The following CACNA1B variants were observed in gnomAD, a reference collection of about 807,000 sequenced individuals.
The protein encoded by CACNA1B is calcium voltage-gated channel subunit alpha1 B.
In CACNA1B, 70 loss-of-function variants were observed where a neutral mutation model predicts 247.2. The observed-to-expected ratio is 0.28, with a 90% CI of 0.23 to 0.35. CACNA1B has a LOEUF of 0.35. Among genes scored for constraint, CACNA1B ranks in the 10% least tolerant of loss-of-function variants. The probability of loss-of-function intolerance (pLI) is 1.00; values close to 1 mark genes in which losing one functional copy is unlikely to be tolerated. For synonymous variants in CACNA1B, 1,231 were observed against 1,294.4 expected (o/e 0.95, Z 1.05); for missense variants, 2,367 against 3,197.4 (o/e 0.74, Z 6.26).
At chr9:137,960,697 G>C (rs1958011216) in intron 10 of CACNA1B, among the ~76,000 whole-genome samples, 1 of 152,006 alleles carries the variant, frequency 6.6e-6, no homozygotes, top group Non-Finnish European at 1.5e-5. Flanking sequence ...GCCATGGGCT[G>C]TCGGTAGCGG....
At chr9:138,074,504 G>C (rs1341084939) in intron 34 of CACNA1B, among the ~76,000 whole-genome samples, 1 of 152,224 alleles carries the variant, frequency 6.6e-6, no homozygotes, top group Non-Finnish European at 1.5e-5. Context: ...GCCTCCCAAA[G>C]TGCTGGGATT....
At chr9:137,928,640 C>T (rs1957577821) in intron 6 of CACNA1B, among the ~76,000 whole-genome samples, 1 of 151,970 alleles carries the variant, frequency 6.6e-6, no homozygotes, top group African/African-American at 2.4e-5. Context: ...ATCTGTGTAC[C>T]ATAAAATTCA....
At chr9:137,956,151 T>G (rs570580371) in intron 8 of CACNA1B, among the ~76,000 whole-genome samples, 20 of 152,316 alleles carry the variant, frequency 1.3e-4, no homozygotes, top group Non-Finnish European at 2.4e-4. Context: ...AGGCCAGCAC[T>G]CTTTCCTCCA....
chr9:138,026,696 C>T (rs1958924478), intron 20 of CACNA1B, among the ~76,000 whole-genome samples: 1 of 152,142 alleles, frequency 6.6e-6, no homozygotes, highest in Non-Finnish European at 1.5e-5. Flanking sequence ...TTGTTGCTTC[C>T]AATTTTTGGC....
In CACNA1B at chr9:137,971,090, C is replaced by A. The variant is rs1192727129; in HGVS notation, c.1334-293C>A. On this transcript the variant is annotated intron_variant, in intron 10 of 46. Transcript: ENST00000371372. This position sits in a 1 kb window ranked among gnomAD's most constrained non-coding sequence, Gnocchi z 4.4. Reference sequence around the variant, plus strand: ...GTGCTCATGGAGAGTGGCCTGGGGGCATCAGGGCTGTGCTCCTAGAAGGTG... The same window carrying A: ...GTGCTCATGGAGAGTGGCCTGGGGGAATCAGGGCTGTGCTCCTAGAAGGTG... 6.6e-6 allele frequency among the ~76,000 whole-genome samples: 1 copy of A among 152,056 alleles called. No individual in the cohort carries two copies. Among genetic ancestry groups the A allele is most frequent in the African/African-American group, 2.4e-5 (1 of 41,396 alleles).
Position 138,115,501 on chromosome 9 carries a change from C to A in CACNA1B, c.5650-51C>A, listed in dbSNP as rs149774466. 1,037 of 1,584,358 alleles carry A rather than the reference C, an allele frequency of 6.5e-4. 9 individuals carry two copies. The highest frequency in any genetic ancestry group is 1.0e-4 in the Non-Finnish European group (119 of 1,163,136). ...CATGGTCAGAGCAGGTCACAGAGGC[C>A]ACATTGCAGGCCCATTGGAGCTCTT... On this transcript the variant is annotated intron_variant, in intron 41 of 46. Transcript: ENST00000371372.
intron 32 of CACNA1B, among the ~76,000 whole-genome samples, chr9:138,071,377 C>T (rs951095894): frequency 7.9e-5 from 12 of 152,232 alleles, no homozygotes; most frequent in African/African-American, 2.9e-4. Context: ...GCTGTGTCTG[C>T]CTCCGAGGGG....
intron 7 of CACNA1B, among the ~76,000 whole-genome samples, chr9:137,953,306 G>A (rs1226326116): frequency 1.3e-5 from 2 of 152,220 alleles, no homozygotes; most frequent in Admixed American, 1.3e-4. Flanking sequence ...GAGGCTGGAG[G>A]AGTACATCTC....
chr9:138,106,169 C>T (rs1961418268), intron 39 of CACNA1B, among the ~76,000 whole-genome samples: 1 of 152,194 alleles, frequency 6.6e-6, no homozygotes, highest in South Asian at 2.1e-4. Flanking sequence ...TGGCCCCCTC[C>T]CATAGTGAGC....
chr9:138,107,071 C>T (rs1344310654), intron 39 of CACNA1B, among the ~76,000 whole-genome samples: 1 of 152,078 alleles, frequency 6.6e-6, no homozygotes, highest in East Asian at 1.9e-4. Flanking sequence ...GGAATGTTCT[C>T]TCTACACTCA....
intron 3 of CACNA1B, among the ~76,000 whole-genome samples, chr9:137,893,499 G>T (rs892496321): frequency 2.0e-5 from 3 of 151,332 alleles, no homozygotes; most frequent in Non-Finnish European, 4.4e-5. Context: ...AAATACAAAA[G>T]AATGAGCCGG....
intron 6 of CACNA1B, among the ~76,000 whole-genome samples, chr9:137,933,441 A>G (rs1192178234): frequency 6.6e-6 from 1 of 152,138 alleles, no homozygotes; most frequent in Non-Finnish European, 1.5e-5. Context: ...CTCTGTGTAC[A>G]TTTATATTGG....
Position 137,882,113 on chromosome 9 carries a change from G to A in CACNA1B, c.391-631G>A, listed in dbSNP as rs1956930845. On this transcript the variant is annotated intron_variant, in intron 2 of 46. Transcript: ENST00000371372. The surrounding 1 kb of genome is among the most constrained non-coding windows in gnomAD (Gnocchi z 4.0). ...CTTCTCATTTCTGTTGTTTTCTGCC[G>A]AGATGTGCATGTTCTGGTTACCCGG... Among the ~76,000 whole-genome samples the A allele has an allele frequency of 6.6e-6, 1 of 152,280 alleles. No homozygotes were observed. Among genetic ancestry groups the A allele is most frequent in the South Asian group, 2.1e-4 (1 of 4,828 alleles).
intron 15 of CACNA1B, among the ~76,000 whole-genome samples, chr9:137,989,544 A>C (rs905542321): frequency 6.6e-6 from 1 of 152,248 alleles, no homozygotes; most frequent in Non-Finnish European, 1.5e-5. Flanking sequence ...AGAAAATCTT[A>C]TACGCTGCCC....
chr9:138,000,236 C>T (rs975464232), intron 15 of CACNA1B, among the ~76,000 whole-genome samples: 23 of 151,468 alleles, frequency 1.5e-4, no homozygotes, highest in Non-Finnish European at 3.4e-4. Context: ...GTGGCTGGGA[C>T]TACAGGCGCC....
In CACNA1B at chr9:137,990,804, G is replaced by C. The variant is rs1166088314; in HGVS notation, c.1974+3950G>C. Among the ~76,000 whole-genome samples the C allele has an allele frequency of 6.6e-6, 1 of 152,204 alleles. No individual in the cohort carries two copies. Among genetic ancestry groups the C allele is most frequent in the Non-Finnish European group, 1.5e-5 (1 of 68,030 alleles). On this transcript the variant is annotated intron_variant, in intron 15 of 46. Transcript: ENST00000371372. The surrounding 1 kb of genome is among the most constrained non-coding windows in gnomAD (Gnocchi z 4.5). ...TCTTGACAGACACTCCCCAGTACCA[G>C]CCTGAAGCCTGGTAGCTCCACTGGG... is the stretch of plus-strand genomic sequence containing the variant.
chr9:137,896,582 G>C (rs1477195603), intron 3 of CACNA1B, among the ~76,000 whole-genome samples: 1 of 152,186 alleles, frequency 6.6e-6, no homozygotes, highest in Non-Finnish European at 1.5e-5. Context: ...TTGGTCTGTA[G>C]TGTTTTTTGG....
Position 138,073,741 on chromosome 9 carries a change from C to T in CACNA1B, c.4791+137C>T, listed in dbSNP as rs1008881997. 3.0e-6 allele frequency: 2 copies of T among 658,384 alleles called. No individual in the cohort carries two copies. The highest frequency in any genetic ancestry group is 5.4e-6 in the Non-Finnish European group (2 of 368,612). The allele number at this position is 658,384 out of a possible 1,614,324, so 40.8% of individuals were successfully genotyped here. A position where few individuals can be genotyped will look rare whatever the true frequency, so the allele number is the denominator to read the frequency against. ...AGGTTTCGTGGTTGTATGCATTGTC[C>T]TGTTGTCATTTATAAAGACGTTTTA... is the stretch of plus-strand genomic sequence containing the variant. On this transcript the variant is annotated intron_variant, in intron 33 of 46. Transcript: ENST00000371372. The surrounding 1 kb of genome is among the most constrained non-coding windows in gnomAD (Gnocchi z 6.4).
intron 6 of CACNA1B, among the ~76,000 whole-genome samples, chr9:137,951,332 C>T (rs1427044899): frequency 1.3e-5 from 2 of 152,212 alleles, no homozygotes; most frequent in South Asian, 2.1e-4. Context: ...GCTGCAAATC[C>T]GCCAGGCTGG....
Sources: gnomAD v4.1 joint callset for allele counts (sites outside exome capture counted in the v4.1 genomes callset) on GRCh38, gnomAD v4.1.1 for gene constraint, Gnocchi (gnomAD v3.1) non-coding constraint, MANE v1.5 for transcripts, NCBI Gene and HGNC (gene_info 2026-07-23, HGNC 2026-07-21) for gene names.